Variants in CFAP44 observed in about 807,000 individuals in gnomAD.
The protein encoded by CFAP44 is cilia and flagella associated protein 44, also known as cilia- and flagella-associated protein 44.
Under a neutral mutation model 216.2 loss-of-function variants are expected in CFAP44, and 134 were observed. The observed-to-expected ratio is 0.62, with a 90% CI of 0.54 to 0.72. CFAP44 has a LOEUF of 0.72. CFAP44 is among the 30% of genes least tolerant of loss of function. The probability of loss-of-function intolerance (pLI) is 0.00; values close to 1 mark genes in which losing one functional copy is unlikely to be tolerated. For missense variants in CFAP44, 2,035 were observed against 2,182.1 expected (o/e 0.93, Z 1.34); for synonymous variants, 700 against 727.6 (o/e 0.96, Z 0.61).
At position 113,399,934 on chromosome 3, in the gene CFAP44, C is replaced by T. The variant is rs1340621539; in HGVS notation, c.1541G>A (p.Gly514Asp). ...PLAQMKFKQG[G>D]TALVWVPRMV... ...TCGGGGTACCCAAACAAGGGCAGTA[C>T]CTCCTTGTTTGAATTTCATCTGGGC... is the stretch of plus-strand genomic sequence containing the variant. Residue 514 changes from glycine to aspartate, a missense_variant, in exon 13 of 35, where the codon GGT becomes GAT. Physicochemically the swap from Gly to Asp is moderately conservative, Grantham distance 94. Transcript: ENST00000393845. The T allele has an allele frequency of 6.2e-7, 1 of 1,601,366 alleles. No individual in the cohort carries two copies. Among genetic ancestry groups the T allele is most frequent in the African/African-American group, 1.3e-5 (1 of 74,586 alleles).
chr3:113,399,179 T>C (rs1418324466), intron 13 of CFAP44, among the ~76,000 whole-genome samples: 1 of 152,106 alleles, frequency 6.6e-6, no homozygotes, highest in Non-Finnish European at 1.5e-5. Flanking sequence ...GTGACAGCCT[T>C]GTGATCAAGA....
Position 113,399,886 on chromosome 3 carries a change from C to G in CFAP44, c.1569+20G>C. 6.6e-7 allele frequency: 1 copy of G among 1,513,804 alleles called. No individual in the cohort carries two copies. Among genetic ancestry groups the G allele is most frequent in the Non-Finnish European group, 9.0e-7 (1 of 1,116,486 alleles). 93.8% of individuals were successfully genotyped at this position (1,513,804 alleles called of 1,614,324 possible). A position where few individuals can be genotyped will look rare whatever the true frequency, so the allele number is the denominator to read the frequency against. On this transcript the variant is annotated intron_variant, in intron 13 of 34. Transcript: ENST00000393845. ...TATTTACCAATAGATTCTGGTAGTTCATTATAACAACAAACTTACCATTCG... is the reference window on the plus strand; with the variant it reads ...TATTTACCAATAGATTCTGGTAGTTGATTATAACAACAAACTTACCATTCG...
At chr3:113,314,339 A>C (rs1308713373) in intron 28 of CFAP44, among the ~76,000 whole-genome samples, 1 of 152,236 alleles carries the variant, frequency 6.6e-6, no homozygotes, top group African/African-American at 2.4e-5. Flanking sequence ...TGGATTTCTC[A>C]TTAGAAACCA....
intron 15 of CFAP44, among the ~76,000 whole-genome samples, chr3:113,390,942 C>T (rs758926958): frequency 9.9e-5 from 15 of 152,020 alleles, no homozygotes; most frequent in Non-Finnish European, 1.6e-4. Flanking sequence ...AAATTCAATG[C>T]AATGCCTATC....
At chr3:113,367,954 A>G (rs1361312556) in intron 18 of CFAP44, among the ~76,000 whole-genome samples, 3 of 152,240 alleles carry the variant, frequency 2.0e-5, no homozygotes, top group Non-Finnish European at 4.4e-5. Flanking sequence ...CACAAGCTTC[A>G]ATAGCTGATT....
In CFAP44 at chr3:113,327,512, A is replaced by G. The variant is rs190028363; in HGVS notation, c.4320+104T>C. The G allele has an allele frequency of 7.6e-5, 78 of 1,023,458 alleles. No homozygotes were observed. In the African/African-American group the frequency reaches 1.2e-3, roughly 16 times the overall value. 63.4% of individuals were successfully genotyped at this position (1,023,458 alleles called of 1,614,324 possible). On this transcript the variant is annotated intron_variant, in intron 27 of 34. Transcript: ENST00000393845. ...GAGGGGGAAAGAAGACAAGAAAGAG[A>G]TAAGGGCTAGAACAAGTGGGAGATT... is the stretch of plus-strand genomic sequence containing the variant.
chr3:113,424,177 C>T (rs555360677), intron 4 of CFAP44, among the ~76,000 whole-genome samples: 1 of 152,318 alleles, frequency 6.6e-6, no homozygotes, highest in African/African-American at 2.4e-5. Context: ...GTGGCTCACA[C>T]CTGTAATCCC....
chr3:113,315,839 C>T (rs1399072712), intron 28 of CFAP44, among the ~76,000 whole-genome samples: 1 of 152,156 alleles, frequency 6.6e-6, no homozygotes, highest in Non-Finnish European at 1.5e-5. Context: ...CAACTCCAGG[C>T]TAACATAAGT....
chr3:113,308,227 T>C lies in CFAP44; in HGVS notation c.4558A>G (p.Ser1520Gly), dbSNP rs549195861. Residue 1520 changes from serine to glycine, a missense_variant, in exon 29 of 35, where the codon AGC becomes GGC. Coordinates refer to ENST00000393845, the MANE Select transcript of CFAP44 (RefSeq NM_001164496.2). ...ESEESSEEESSLESDEDESES... is the reference protein window; with the variant it reads ...ESEESSEEESGLESDEDESES... Reference sequence around the variant, plus strand: ...GACTCATCTTCATCACTCTCCAAGCTAGATTCTTCTTCACTTGATTCCTCA... The same window carrying C: ...GACTCATCTTCATCACTCTCCAAGCCAGATTCTTCTTCACTTGATTCCTCA... 3.9e-6 allele frequency: 6 copies of C among 1,536,488 alleles called. No homozygotes were observed. The highest frequency in any genetic ancestry group is 1.2e-5 in the South Asian group (1 of 83,816).
intron 14 of CFAP44, 22 bp downstream of exon 14, chr3:113,396,496 A>G: frequency 1.9e-6 from 3 of 1,599,082 alleles, no homozygotes; most frequent in Non-Finnish European, 2.6e-6. Flanking sequence ...CAACAAGAAA[A>G]GAAAGGAAAT....
At position 113,426,207 on chromosome 3, in the gene CFAP44, G is replaced by A. The variant is rs1205264118; in HGVS notation, c.324C>T (p.Ser108=). 6.2e-7 allele frequency: 1 copy of A among 1,613,980 alleles called. No homozygotes were observed. Among genetic ancestry groups the A allele is most frequent in the East Asian group, 2.2e-5 (1 of 44,900 alleles). ...CAAGCTCCATATAATCATAGAAGAAGCTCTCTGATATTTTCTTCTTAACTT... is the reference window on the plus strand; with the variant it reads ...CAAGCTCCATATAATCATAGAAGAAACTCTCTGATATTTTCTTCTTAACTT... ...EEEVKKKISE[S]FFYDYMELAS... Residue 108 remains serine, a synonymous_variant, in exon 4 of 35, where the codon AGC becomes AGT. Transcript: ENST00000393845.
In CFAP44 at chr3:113,420,111, T is replaced by C; in HGVS notation, c.476A>G (p.Tyr159Cys). 1 of 1,614,008 alleles carries C rather than the reference T, an allele frequency of 6.2e-7. No homozygotes were observed. The highest frequency in any genetic ancestry group is 8.5e-7 in the Non-Finnish European group (1 of 1,179,946). The change falls in exon 5 of 35, where the codon TAC becomes TGC. Residue 159 changes from tyrosine (Y) to cysteine (C), a missense_variant. By Grantham distance (194) the Tyr-to-Cys change is radical. This residue lies in a region of CFAP44 where 1,883 missense variants were observed against 2,023.7 expected (regional missense o/e 0.93). Transcript: ENST00000393845. ...LQLLDDSIAI[Y>C]IAGNQLIFLN... Reference sequence around the variant, plus strand: ...AAAGATCAGTTGGTTCCCAGCTATGTATATGGCGATACTGTCGTCCAGAAG... The same window carrying C: ...AAAGATCAGTTGGTTCCCAGCTATGCATATGGCGATACTGTCGTCCAGAAG...
chr3:113,353,138 C>A (rs926688623), intron 22 of CFAP44, among the ~76,000 whole-genome samples: 3 of 152,148 alleles, frequency 2.0e-5, no homozygotes, highest in African/African-American at 7.2e-5. Context: ...CTGGAAGTAT[C>A]TGGGGAGATG....
chr3:113,369,257 C>T (rs143863007), intron 18 of CFAP44, among the ~76,000 whole-genome samples: 4,403 of 152,280 alleles, frequency 0.029, 110 homozygotes, highest in East Asian at 0.1. Context: ...TAGAACTCTC[C>T]ATCTCAAATC....
chr3:113,418,355 A>G (rs73237142), intron 5 of CFAP44, among the ~76,000 whole-genome samples: 37,406 of 151,920 alleles, frequency 0.25, 5,363 homozygotes, highest in East Asian at 0.58. Flanking sequence ...CCAAAGTGCC[A>G]TGATTACAGG....
At chr3:113,379,843 C>G (rs1159254597) in intron 16 of CFAP44, among the ~76,000 whole-genome samples, 1 of 151,982 alleles carries the variant, frequency 6.6e-6, no homozygotes, top group Non-Finnish European at 1.5e-5. Context: ...CACTGTTAAC[C>G]CAGGAATTAG....
chr3:113,424,267 C>T (rs2107400078), intron 4 of CFAP44, among the ~76,000 whole-genome samples: 2 of 152,258 alleles, frequency 1.3e-5, no homozygotes, highest in South Asian at 2.1e-4. Context: ...GAAACCCAAT[C>T]TCTACTAAAA....
In CFAP44 at chr3:113,322,090, G is replaced by C. The variant is rs144938961; in HGVS notation, c.4516+4355C>G. On this transcript the variant is annotated intron_variant, in intron 28 of 34. Coordinates refer to ENST00000393845, the MANE Select transcript of CFAP44 (RefSeq NM_001164496.2). ...TGCAATCCTAAAGATAATCCACAAA[G>C]CTGGAGGCATCACACTACCTAACTT... Among the ~76,000 whole-genome samples the C allele has an allele frequency of 1.3e-3, 200 of 152,280 alleles. 1 individual carries two copies. The highest frequency in any genetic ancestry group is 4.3e-3 in the African/African-American group (178 of 41,554).
In CFAP44 at chr3:113,338,228, G is replaced by C. The variant is rs191659906; in HGVS notation, c.3437+3516C>G. Among the ~76,000 whole-genome samples, 267 of 112,576 alleles carry C rather than the reference G, an allele frequency of 2.4e-3. 1 individual carries two copies. Among genetic ancestry groups the C allele is most frequent in the African/African-American group, 7.6e-3 (218 of 28,832 alleles). The allele number at this position is 112,576 out of a possible 152,430, so 73.9% of individuals were successfully genotyped here. ...GCTGAGATTGCACCACTGCATGCCA[G>C]CCTGGACAACACACGAGACAATGTC... is the stretch of plus-strand genomic sequence containing the variant. On this transcript the variant is annotated intron_variant, in intron 24 of 34. Coordinates refer to ENST00000393845, the MANE Select transcript of CFAP44 (RefSeq NM_001164496.2).
Sources: gnomAD v4.1 joint callset for allele counts (sites outside exome capture counted in the v4.1 genomes callset) on GRCh38, gnomAD v4.1.1 for gene constraint, gnomAD v4.1.1 regional missense constraint, MANE v1.5 for transcripts, NCBI Gene and HGNC (gene_info 2026-07-23, HGNC 2026-07-21) for gene names.